WWOX: variants seen among roughly 807,000 people sequenced by gnomAD.
WWOX encodes the protein WW domain containing oxidoreductase.
In WWOX, 69 loss-of-function variants were observed where a neutral mutation model predicts 46.2. That is an observed-to-expected ratio of 1.49 (90% CI 1.23 to 1.82). WWOX has a LOEUF of 1.82. Among genes scored for constraint, WWOX ranks in the 40% most tolerant of loss-of-function variants. WWOX has a pLI of 0.00. For synonymous variants in WWOX, 359 were observed against 202.6 expected (o/e 1.77, Z -6.56); for missense variants, 919 against 542.6 (o/e 1.69, Z -6.89).
At chr16:78,424,816 T>A (rs2083037037) in intron 6 of WWOX, 54 bp from the exon 7 acceptor site, 1 of 1,601,826 alleles carries the variant, frequency 6.2e-7, no homozygotes, top group African/African-American at 1.3e-5. Context: ...GAGCATGGAT[T>A]ATCCTTGGTT....
At chr16:78,998,242 G>A (rs2047027794) in intron 8 of WWOX, among the ~76,000 whole-genome samples, 2 of 152,156 alleles carry the variant, frequency 1.3e-5, no homozygotes, top group African/African-American at 4.8e-5. Context: ...CTCTTCTGCT[G>A]GGACCCAGGA....
intron 8 of WWOX, among the ~76,000 whole-genome samples, chr16:79,150,062 C>A (rs1034215120): frequency 6.6e-6 from 1 of 152,166 alleles, no homozygotes; most frequent in Non-Finnish European, 1.5e-5. Flanking sequence ...TCTGATTAGG[C>A]CTCTCATTTT....
At chr16:78,767,358 C>G (rs1280087692) in intron 8 of WWOX, among the ~76,000 whole-genome samples, 1 of 151,914 alleles carries the variant, frequency 6.6e-6, no homozygotes, top group Non-Finnish European at 1.5e-5. Flanking sequence ...TGATCTTGAA[C>G]TCCTGTGCTC....
chr16:78,178,411 T>C (rs2035418516), intron 5 of WWOX, among the ~76,000 whole-genome samples: 1 of 152,266 alleles, frequency 6.6e-6, no homozygotes, highest in Admixed American at 6.5e-5. Context: ...AGCAGGCTGC[T>C]ACGCTTTTAT....
intron 8 of WWOX, among the ~76,000 whole-genome samples, chr16:79,104,481 T>G (rs576935372): frequency 2.6e-5 from 4 of 152,346 alleles, no homozygotes; most frequent in Non-Finnish European, 5.9e-5. Flanking sequence ...AAATAATATT[T>G]TAATGCCAAA....
intron 8 of WWOX, among the ~76,000 whole-genome samples, chr16:78,809,004 C>T (rs1055765189): frequency 2.6e-5 from 4 of 152,042 alleles, no homozygotes; most frequent in East Asian, 1.9e-4. Flanking sequence ...AATTATTATT[C>T]GGAATTTTAT....
At chr16:79,104,058 T>TGGG (rs2049259343) in intron 8 of WWOX, among the ~76,000 whole-genome samples, 3 of 22,416 alleles carry the variant, frequency 1.3e-4, no homozygotes, top group Non-Finnish European at 1.9e-4. Context: ...GGGCGGGTGG[T>TGGG]GGGGGTACTT....
intron 8 of WWOX, among the ~76,000 whole-genome samples, chr16:79,003,933 T>C (rs2047143006): frequency 6.6e-6 from 1 of 152,166 alleles, no homozygotes; most frequent in Non-Finnish European, 1.5e-5. Context: ...TTTATCACTG[T>C]CCTGGGGCCT....
intron 8 of WWOX, among the ~76,000 whole-genome samples, chr16:78,470,458 C>G (rs907072666): frequency 6.6e-6 from 1 of 152,196 alleles, no homozygotes; most frequent in Non-Finnish European, 1.5e-5. Context: ...TTCCTTCCCT[C>G]TACGATTTCA....
intron 8 of WWOX, among the ~76,000 whole-genome samples, chr16:78,726,071 T>TTCCCTCCCTCCCTCCCCCTCCCTCCC (rs1555524196): frequency 1.0e-5 from 1 of 96,558 alleles, no homozygotes; most frequent in Admixed American, 1.1e-4. Context: ...CCTGCTTCCC[T>TTCCCTCCCTCCCTCCCCCTCCCTCCC]TCCCTCCCTC....
At chr16:79,094,907 T>A (rs1268668841) in intron 8 of WWOX, among the ~76,000 whole-genome samples, 5 of 152,126 alleles carry the variant, frequency 3.3e-5, no homozygotes, top group Non-Finnish European at 5.9e-5. Flanking sequence ...ATCAGCGTCG[T>A]GGGCGATTTT....
intron 5 of WWOX, among the ~76,000 whole-genome samples, chr16:78,258,273 T>A (rs1291860149): frequency 1.3e-5 from 2 of 152,166 alleles, no homozygotes; most frequent in Non-Finnish European, 2.9e-5. Context: ...ACCAGCAAAT[T>A]CTACCGTATA....
At chr16:78,467,723 AAG>A (rs1347206567) in intron 8 of WWOX, among the ~76,000 whole-genome samples, 2 of 152,218 alleles carry the variant, frequency 1.3e-5, no homozygotes, top group Admixed American at 6.5e-5. Flanking sequence ...TATAAGGAAA[AAG>A]GGGACTGAAA....
chr16:78,137,061 G>T (rs529715505), intron 4 of WWOX, among the ~76,000 whole-genome samples: 1 of 152,166 alleles, frequency 6.6e-6, no homozygotes, highest in Non-Finnish European at 1.5e-5. Flanking sequence ...ACATAAGTTG[G>T]ATCAGCTCCC....
chr16:79,210,213 C>G (rs1299760733), intron 8 of WWOX, among the ~76,000 whole-genome samples: 5 of 152,210 alleles, frequency 3.3e-5, no homozygotes, highest in South Asian at 2.1e-4. Context: ...TACTAGATAT[C>G]CTGACACTGA....
intron 8 of WWOX, among the ~76,000 whole-genome samples, chr16:78,742,441 AC>A (rs1193530713): frequency 1.3e-5 from 2 of 152,136 alleles, no homozygotes; most frequent in African/African-American, 4.8e-5. Flanking sequence ...AATAGTCAGC[AC>A]CTATGCAGGT....
intron 5 of WWOX, among the ~76,000 whole-genome samples, chr16:78,356,844 T>G (rs1167317501): frequency 1.3e-5 from 2 of 152,080 alleles, no homozygotes; most frequent in Non-Finnish European, 2.9e-5. Flanking sequence ...ATGGCACCAT[T>G]GCACTCCAGC....
chr16:78,852,410 G>T (rs1313516322), intron 8 of WWOX, among the ~76,000 whole-genome samples: 2 of 152,164 alleles, frequency 1.3e-5, no homozygotes, highest in East Asian at 3.9e-4. Flanking sequence ...ATGTTGCGAG[G>T]ATACTCAAAC....
intron 5 of WWOX, among the ~76,000 whole-genome samples, chr16:78,362,570 C>G (rs1401087220): frequency 6.6e-6 from 1 of 152,108 alleles, no homozygotes; most frequent in Admixed American, 6.5e-5. Context: ...GATGGCACCA[C>G]TGCACTCCAG....
Sources: gnomAD v4.1 joint callset for allele counts (sites outside exome capture counted in the v4.1 genomes callset) on GRCh38, gnomAD v4.1.1 for gene constraint, MANE v1.5 for transcripts, NCBI Gene and HGNC (gene_info 2026-07-23, HGNC 2026-07-21) for gene names.